TRPM3: variants seen among roughly 807,000 people sequenced by gnomAD.
TRPM3 encodes the protein long transient receptor potential channel 3.
TRPM3 carries 77 observed loss-of-function variants against 181.2 expected under a neutral mutation model. The ratio of observed to expected loss-of-function variants is 0.42; its 90% CI spans 0.35 to 0.51. The LOEUF is 0.51. TRPM3 is among the 20% of genes least tolerant of loss of function. TRPM3 has a pLI of 0.01. For synonymous variants in TRPM3, 745 were observed against 796.4 expected (o/e 0.94, Z 1.09); for missense variants, 1,759 against 2,196.7 (o/e 0.80, Z 3.98).
chr9:70,751,999 AGTGTGT>A lies in TRPM3; in HGVS notation c.1272+9596_1272+9601del, dbSNP rs71507124. On this transcript the variant is annotated intron_variant, in intron 8 of 25. Transcript: ENST00000677713. ...ATGCAGTTTCAATCCACATCTCAAC[AGTGTGT>A]GTGTGTGTGTGTGTGTGTGTGTGTG... Among the ~76,000 whole-genome samples, 983 of 104,562 alleles carry A rather than the reference AGTGTGT, an allele frequency of 9.4e-3. 10 individuals carry two copies. The highest frequency in any genetic ancestry group is 0.041 in the South Asian group (104 of 2,536). 68.6% of individuals were successfully genotyped at this position (104,562 alleles called of 152,430 possible).
chr9:71,040,606 A>T (rs1461296211), intron 1 of TRPM3, among the ~76,000 whole-genome samples: 1 of 152,218 alleles, frequency 6.6e-6, no homozygotes. Context: ...TTGATTCAGA[A>T]ATAAACATCA....
intron 1 of TRPM3, among the ~76,000 whole-genome samples, chr9:71,047,253 A>G (rs2059548065): frequency 6.6e-6 from 1 of 152,248 alleles, no homozygotes. Context: ...AGAGATTATT[A>G]GGAATTACCA....
At chr9:70,611,024 C>T (rs1481999409) in intron 18 of TRPM3, among the ~76,000 whole-genome samples, 1 of 152,128 alleles carries the variant, frequency 6.6e-6, no homozygotes, top group Non-Finnish European at 1.5e-5. Flanking sequence ...ATAGATGATA[C>T]CCAGAGTCCA....
chr9:70,954,761 C>G (rs75114175), intron 1 of TRPM3, among the ~76,000 whole-genome samples: 54 of 152,292 alleles, frequency 3.5e-4, no homozygotes, highest in African/African-American at 1.1e-3. Flanking sequence ...ACCAGCTTGT[C>G]TGCTGTCAAC....
rs150167109 is a variant in TRPM3 at position 71,332,477 on chromosome 9, G to A, written c.183+114176C>T. On this transcript the variant is annotated intron_variant, in intron 1 of 24. Transcript: ENST00000357533. ...GTTTGACAATTGAGCTAAGAGAGAC[G>A]TTTTATTAATTTAAATAAACTCAGT... 8.9e-3 allele frequency among the ~76,000 whole-genome samples: 1,334 copies of A among 149,478 alleles called. 35 individuals are homozygous for A. The highest frequency in any genetic ancestry group is 0.031 in the African/African-American group (1,242 of 40,654).
chr9:71,059,457 G>C (rs2061057141), intron 1 of TRPM3, among the ~76,000 whole-genome samples: 1 of 152,008 alleles, frequency 6.6e-6, no homozygotes, highest in Non-Finnish European at 1.5e-5. Flanking sequence ...TTCCTGTTTA[G>C]TTCTGAGTAC....
chr9:70,777,986 GACACAGACAC>G (rs1405990915), intron 7 of TRPM3, among the ~76,000 whole-genome samples: 3 of 149,216 alleles, frequency 2.0e-5, no homozygotes, highest in Non-Finnish European at 3.0e-5. Flanking sequence ...AAATTTAACA[GACACAGACAC>G]ACACACACAC....
At chr9:70,818,193 G>C (rs2092868732) in intron 6 of TRPM3, among the ~76,000 whole-genome samples, 1 of 152,114 alleles carries the variant, frequency 6.6e-6, no homozygotes, top group South Asian at 2.1e-4. Flanking sequence ...ATAGTCCAGG[G>C]AAATGAAAGA....
At chr9:71,222,581 A>C (rs2080304238) in intron 1 of TRPM3, among the ~76,000 whole-genome samples, 1 of 152,226 alleles carries the variant, frequency 6.6e-6, no homozygotes. Flanking sequence ...ACAAAAAAGC[A>C]CCCTTCTAAG....
Position 70,843,050 on chromosome 9 carries a change from C to T in TRPM3, c.754G>A (p.Ala252Thr). ...SRGKICTIGIAPWGIVENQED... is the reference protein window; with the variant it reads ...SRGKICTIGITPWGIVENQED... ...TGGTTTTCCACAATTCCCCAGGGGG[C>T]AATACCTATGGTGCATATCTTTCCT... Residue 252 changes from alanine (A) to threonine (T), a missense_variant, in exon 5 of 26, where the codon GCC (alanine) becomes ACC (threonine). Physicochemically the swap from Ala to Thr is moderately conservative, Grantham distance 58. Coordinates refer to ENST00000677713, the MANE Select transcript of TRPM3 (RefSeq NM_001366145.2). 1 of 1,613,492 alleles carries T rather than the reference C, an allele frequency of 6.2e-7. No individual in the cohort carries two copies. Among genetic ancestry groups the T allele is most frequent in the Non-Finnish European group, 8.5e-7 (1 of 1,179,776 alleles).
chr9:71,168,599 A>ATTT (rs1398887107), intron 1 of TRPM3, among the ~76,000 whole-genome samples: 10 of 17,730 alleles, frequency 5.6e-4, no homozygotes, highest in Non-Finnish European at 1.0e-3. Flanking sequence ...TTTTATTTTT[A>ATTT]TTTTTATTTA....
chr9:70,908,005 T>G (rs1338569925), intron 1 of TRPM3, among the ~76,000 whole-genome samples: 2 of 152,176 alleles, frequency 1.3e-5, no homozygotes, highest in Non-Finnish European at 2.9e-5. Context: ...GAATAGTGCT[T>G]CAATAAACAT....
Position 70,536,829 on chromosome 9 carries a change from A to T in TRPM3, c.4284T>A (p.Pro1428=), listed in dbSNP as rs757300365. The change falls in exon 26 of 26, where the codon CCT becomes CCA. Residue 1428 remains proline (P), a synonymous_variant. Transcript: ENST00000677713. ...CAAGGATGTTCACGGAATTGTCCAG[A>T]GGGTCTATATCACAGTGGAGCTCAT... The part of the protein sequence containing the change: ...AMDELHCDID[P]LDNSVNILGL... The T allele has an allele frequency of 8.1e-6, 13 of 1,614,164 alleles. No individual in the cohort carries two copies. The highest frequency in any genetic ancestry group is 1.0e-5 in the Non-Finnish European group (12 of 1,180,032).
chr9:71,272,313 A>T (rs1047499605), intron 1 of TRPM3, among the ~76,000 whole-genome samples: 1 of 152,228 alleles, frequency 6.6e-6, no homozygotes. Flanking sequence ...TGACAAAAAC[A>T]ATTTTTAAAA....
rs770962675 is a variant in TRPM3, at chr9:70,536,310, T to G, written c.4803A>C (p.Glu1601Asp). The G allele has an allele frequency of 1.9e-6, 3 of 1,614,038 alleles. No individual in the cohort carries two copies. Among genetic ancestry groups the G allele is most frequent in the African/African-American group, 1.3e-5 (1 of 74,908 alleles). The change falls in exon 26 of 26, where the codon GAA (glutamate) becomes GAC (aspartate). Residue 1601 changes from glutamate (E) to aspartate (D), a missense_variant. This residue lies in a region of TRPM3 where 612 missense variants were observed against 590.0 expected (regional missense o/e 1.04). Coordinates refer to ENST00000677713, the MANE Select transcript of TRPM3 (RefSeq NM_001366145.2). ...LTCCHPEREA[E>D]LSHPSSDSEE... Reference sequence around the variant, plus strand: ...CACTGTCAGAGCTGGGGTGACTCAGTTCTGCTTCTCGCTCTGGATGGCAGC... The same window carrying G: ...CACTGTCAGAGCTGGGGTGACTCAGGTCTGCTTCTCGCTCTGGATGGCAGC...
At chr9:71,413,059 G>A (rs1451129351) in intron 1 of TRPM3, among the ~76,000 whole-genome samples, 1 of 152,108 alleles carries the variant, frequency 6.6e-6, no homozygotes, top group Non-Finnish European at 1.5e-5. Flanking sequence ...GAGAACACTT[G>A]GACACAGGGT....
intron 1 of TRPM3, among the ~76,000 whole-genome samples, chr9:71,182,256 T>C (rs2077448056): frequency 6.6e-6 from 1 of 152,162 alleles, no homozygotes; most frequent in Non-Finnish European, 1.5e-5. Context: ...TTGGGGTATA[T>C]GTGTGTGCAC....
chr9:71,294,370 G>T (rs973168644), intron 1 of TRPM3, among the ~76,000 whole-genome samples: 3 of 151,996 alleles, frequency 2.0e-5, no homozygotes, highest in Non-Finnish European at 4.4e-5. Context: ...ATGACATGAT[G>T]CTCAGACTCT....
intron 19 of TRPM3, among the ~76,000 whole-genome samples, chr9:70,605,449 AC>A (rs1402341196): frequency 1.4e-5 from 2 of 142,438 alleles, no homozygotes; most frequent in Admixed American, 7.2e-5. Flanking sequence ...GCACACCCCC[AC>A]CCCCACCCCC....
Sources: gnomAD v4.1 joint callset for allele counts (sites outside exome capture counted in the v4.1 genomes callset) on GRCh38, gnomAD v4.1.1 for gene constraint, gnomAD v4.1.1 regional missense constraint, MANE v1.5 for transcripts, NCBI Gene and HGNC (gene_info 2026-07-23, HGNC 2026-07-21) for gene names.